PCDHA2: variants seen among roughly 807,000 people sequenced by gnomAD.
PCDHA2 encodes protocadherin alpha 2, also known as protocadherin alpha-2.
PCDHA2 carries 58 observed loss-of-function variants against 66.0 expected under a neutral mutation model. The observed-to-expected ratio is 0.88, with a 90% confidence interval of 0.71 to 1.09. The LOEUF is 1.09. Among genes scored for constraint, PCDHA2 ranks in the 50% least tolerant of loss-of-function variants. PCDHA2 has a pLI of 0.00. For missense variants in PCDHA2, 1,267 were observed against 1,242.3 expected (o/e 1.02, Z -0.30); for synonymous variants, 634 against 554.0 (o/e 1.14, Z -2.03).
chr5:140,796,473 G>C lies in PCDHA2; in HGVS notation c.1509G>C (p.Ala503=). ...SLVERRVGER[A]LSSYVSVHAE... ...TGGAGCGGCGGGTGGGCGAGCGCGC[G>C]TTGTCGAGCTACGTTTCGGTGCACG... Residue 503 remains alanine (A), a synonymous_variant, in exon 1 of 4, where the codon GCG becomes GCC. Transcript: ENST00000526136. 4.3e-6 allele frequency: 7 copies of C among 1,612,230 alleles called. No individual in the cohort carries two copies. Among genetic ancestry groups the C allele is most frequent in the Non-Finnish European group, 5.9e-6 (7 of 1,179,828 alleles).
rs782806378 is a variant in PCDHA2 at position 140,795,691 on chromosome 5, G to A, written c.727G>A (p.Ala243Thr). ...LDVNDNEPTF[A>T]QSVYKVKLLE... ...TGTAAATGACAATGAACCAACTTTT[G>A]CCCAATCAGTTTACAAAGTAAAATT... The change falls in exon 1 of 4, where the codon GCC becomes ACC. Residue 243 changes from alanine to threonine, a missense_variant. Coordinates refer to ENST00000526136, the MANE Select transcript of PCDHA2 (RefSeq NM_018905.3). The A allele has an allele frequency of 6.8e-6, 11 of 1,613,946 alleles. No homozygotes were observed. Among genetic ancestry groups the A allele is most frequent in the Non-Finnish European group, 7.6e-6 (9 of 1,180,002 alleles).
intron 1 of PCDHA2, chr5:140,860,149 A>ATG (rs1239190968): frequency 6.7e-6 from 1 of 150,348 alleles, no homozygotes; most frequent in East Asian, 1.9e-4. Context: ...ATATGTATAT[A>ATG]TGTGTATATA....
rs1554262721 is a variant in PCDHA2, at chr5:141,010,165, GA to G, written c.*230del. ...TTCTCTCCACTCTGGCTTGTTTTCA[GA>G]ACCTAAAAAGCAGACCCAAGTTTCC... On this transcript the variant is annotated 3_prime_UTR_variant, in exon 4 of 4. Coordinates refer to ENST00000526136, the MANE Select transcript of PCDHA2 (RefSeq NM_018905.3). The G allele has an allele frequency of 1.9e-6, 3 of 1,563,714 alleles. No homozygotes were observed.
At chr5:140,829,667 G>C in intron 1 of PCDHA2, 1 of 1,612,886 alleles carries the variant, frequency 6.2e-7, no homozygotes, top group Non-Finnish European at 8.5e-7. Context: ...GCTGGACCAC[G>C]AGGAGCTAGA....
At chr5:140,809,861 AT>A (rs1764556615) in intron 1 of PCDHA2, 1 of 287,800 alleles carries the variant, frequency 3.5e-6, no homozygotes, top group South Asian at 6.6e-5. Context: ...TTTAGAAAAC[AT>A]TTTACTATTA....
At chr5:140,853,797 T>G (rs2042870109) in intron 1 of PCDHA2, 4 of 987,438 alleles carry the variant, frequency 4.1e-6, no homozygotes, top group Non-Finnish European at 4.9e-6. Context: ...AATTTTCATT[T>G]TAAAGCACAC....
At chr5:140,953,025 G>A (rs1408416785) in intron 1 of PCDHA2, among the ~76,000 whole-genome samples, 9 of 152,024 alleles carry the variant, frequency 5.9e-5, no homozygotes, top group African/African-American at 1.9e-4. Flanking sequence ...ACATTAAGGG[G>A]GAAATCCACC....
chr5:140,799,981 G>A (rs569838602), intron 1 of PCDHA2, among the ~76,000 whole-genome samples: 10 of 152,132 alleles, frequency 6.6e-5, no homozygotes, highest in African/African-American at 2.4e-4. Flanking sequence ...AATATGTTGA[G>A]TAAATACTGG....
intron 3 of PCDHA2, among the ~76,000 whole-genome samples, chr5:140,997,576 G>A (rs528258685): frequency 5.9e-5 from 9 of 152,166 alleles, no homozygotes; most frequent in African/African-American, 2.4e-5. Flanking sequence ...TGTGTGGTCC[G>A]TTGTTGACTG....
At chr5:140,931,507 T>C (rs564431042) in intron 1 of PCDHA2, among the ~76,000 whole-genome samples, 1 of 152,016 alleles carries the variant, frequency 6.6e-6, no homozygotes, top group African/African-American at 2.4e-5. Flanking sequence ...TTTAAACATA[T>C]ATGAATGATT....
intron 1 of PCDHA2, chr5:140,848,908 A>C: frequency 6.2e-7 from 1 of 1,600,388 alleles, no homozygotes; most frequent in Non-Finnish European, 8.5e-7. Flanking sequence ...GCGACACAAA[A>C]GAATCTGTTC....
chr5:140,928,533 T>C (rs112671808), intron 1 of PCDHA2: 1 of 1,614,230 alleles, frequency 6.2e-7, no homozygotes, highest in African/African-American at 1.3e-5. Flanking sequence ...TTGTGGTAGA[T>C]AGGAATGACA....
At chr5:140,838,195 A>T (rs1007938593) in intron 1 of PCDHA2, among the ~76,000 whole-genome samples, 4 of 149,564 alleles carry the variant, frequency 2.7e-5, no homozygotes, top group Non-Finnish European at 5.9e-5. Context: ...CTCACTGCAA[A>T]ATCCGCCTCT....
chr5:140,796,998 C>T lies in PCDHA2; in HGVS notation c.2034C>T (p.Ala678=), dbSNP rs1235961462. 1.2e-6 allele frequency: 2 copies of T among 1,613,750 alleles called. No homozygotes were observed. Among genetic ancestry groups the T allele is most frequent in the Admixed American group, 1.7e-5 (1 of 60,022 alleles). ...TGGAAAGTGGCCAGGCACCCAAGGCCTCGTCGCGGGCGTGGGTGGGCGCCG... is the reference window on the plus strand; with the variant it reads ...TGGAAAGTGGCCAGGCACCCAAGGCTTCGTCGCGGGCGTGGGTGGGCGCCG... The part of the protein sequence containing the change: ...SLVESGQAPK[A]SSRAWVGAAG... Residue 678 remains alanine (A), a synonymous_variant, in exon 1 of 4, where the codon GCC becomes GCT. Coordinates refer to ENST00000526136, the MANE Select transcript of PCDHA2 (RefSeq NM_018905.3).
At chr5:140,923,804 ATCT>A (rs1273575266) in intron 1 of PCDHA2, among the ~76,000 whole-genome samples, 1 of 152,220 alleles carries the variant, frequency 6.6e-6, no homozygotes, top group African/African-American at 2.4e-5. Flanking sequence ...CACAAATGAA[ATCT>A]TCTGAAAATA....
chr5:140,808,344 C>T, intron 1 of PCDHA2: 1 of 1,614,268 alleles, frequency 6.2e-7, no homozygotes. Context: ...GGGCTGGTCA[C>T]CTGCTCCTTG....
chr5:140,882,153 A>G (rs1197738298), intron 1 of PCDHA2: 9 of 1,505,320 alleles, frequency 6.0e-6, no homozygotes, highest in Admixed American at 2.3e-5. Flanking sequence ...CAGAAAGCGG[A>G]ATACCTCTTG....
intron 1 of PCDHA2, chr5:140,877,601 T>A (rs2057236715): frequency 6.2e-7 from 1 of 1,613,744 alleles, no homozygotes; most frequent in Non-Finnish European, 8.5e-7. Flanking sequence ...GTGTCCAGCC[T>A]GCTGGTGCTC....
At position 140,796,536 on chromosome 5, in the gene PCDHA2, C is replaced by A; in HGVS notation, c.1572C>A (p.Asp524Glu). Residue 524 changes from aspartate (D) to glutamate (E), a missense_variant, in exon 1 of 4, where the codon GAC becomes GAA. By Grantham distance (45) the Asp-to-Glu change is conservative (BLOSUM62 2). Transcript: ENST00000526136. ...SGKVYALQPL[D>E]HEEVELLQFQ... ...AGGTGTACGCGCTGCAGCCGCTGGA[C>A]CACGAGGAAGTGGAGCTGCTGCAGT... The A allele has an allele frequency of 6.2e-7, 1 of 1,612,784 alleles. No homozygotes were observed. The highest frequency in any genetic ancestry group is 8.5e-7 in the Non-Finnish European group (1 of 1,179,856).
Sources: gnomAD v4.1 joint callset for allele counts (sites outside exome capture counted in the v4.1 genomes callset) on GRCh38, gnomAD v4.1.1 for gene constraint, MANE v1.5 for transcripts, NCBI Gene and HGNC (gene_info 2026-07-23, HGNC 2026-07-21) for gene names.